The following NCKAP5 variants were observed in gnomAD, a reference collection of about 807,000 sequenced individuals.
NCKAP5 encodes NCK associated protein 5, also known as nck-associated protein 5.
Under a neutral mutation model 167.0 loss-of-function variants are expected in NCKAP5, and 92 were observed. The ratio of observed to expected loss-of-function variants is 0.55; its 90% CI spans 0.47 to 0.66. The LOEUF is 0.66. Ranked by LOEUF, NCKAP5 falls within the 30% of genes least tolerant of loss-of-function variation. The probability of loss-of-function intolerance (pLI) is 0.00; values close to 1 mark genes in which losing one functional copy is unlikely to be tolerated. For synonymous variants in NCKAP5, 891 were observed against 877.4 expected (o/e 1.02, Z -0.27); for missense variants, 2,378 against 2,315.0 (o/e 1.03, Z -0.56).
At chr2:133,433,789 T>C (rs1690306584) in intron 3 of NCKAP5, 1 of 152,192 alleles carries the variant, frequency 6.6e-6, no homozygotes. Flanking sequence ...GAATGGCAGA[T>C]TGAAGACAAT....
intron 11 of NCKAP5, among the ~76,000 whole-genome samples, chr2:132,852,930 A>G (rs1258339559): frequency 6.6e-6 from 1 of 152,130 alleles, no homozygotes; most frequent in Non-Finnish European, 1.5e-5. Context: ...TTAAATGATG[A>G]CCTTTTTAAG....
chr2:133,007,052 C>T (rs1454776879), intron 6 of NCKAP5, among the ~76,000 whole-genome samples: 1 of 152,128 alleles, frequency 6.6e-6, no homozygotes, highest in Non-Finnish European at 1.5e-5. Context: ...CCTCTTTCAG[C>T]CTCAACTCTT....
At chr2:132,985,542 A>G (rs2149281041) in intron 7 of NCKAP5, among the ~76,000 whole-genome samples, 1 of 152,318 alleles carries the variant, frequency 6.6e-6, no homozygotes, top group Admixed American at 6.5e-5. Context: ...CAAAGAGAAA[A>G]GGAAGATTCA....
At chr2:133,236,202 A>G (rs2087412716) in intron 4 of NCKAP5, among the ~76,000 whole-genome samples, 1 of 152,232 alleles carries the variant, frequency 6.6e-6, no homozygotes, top group South Asian at 2.1e-4. Flanking sequence ...TCAACAATAC[A>G]TATTAAAAAG....
rs1430172 is a variant in NCKAP5 at position 133,288,785 on chromosome 2, A to G, written c.143+14252T>C. Among the ~76,000 whole-genome samples, 1,125 of 152,310 alleles carry G rather than the reference A, an allele frequency of 7.4e-3. 15 individuals carry two copies. The highest frequency in any genetic ancestry group is 0.023 in the African/African-American group (959 of 41,562). ...AGTGCATAAAGAAAGCTAGGTTCAT[A>G]AAAGAATTAATATCTGCCTTCTTTC... On this transcript the variant is annotated intron_variant, in intron 4 of 19. Coordinates refer to ENST00000409261, the MANE Select transcript of NCKAP5 (RefSeq NM_207363.3).
At chr2:133,562,096 G>T (rs1339085705) in intron 1 of NCKAP5, among the ~76,000 whole-genome samples, 2 of 151,388 alleles carry the variant, frequency 1.3e-5, no homozygotes, top group Non-Finnish European at 2.9e-5. Context: ...GTAGTACTTT[G>T]ACATACACAC....
intron 2 of NCKAP5, among the ~76,000 whole-genome samples, chr2:133,520,731 T>G (rs1684405550): frequency 6.6e-6 from 1 of 152,210 alleles, no homozygotes; most frequent in Non-Finnish European, 1.5e-5. Context: ...AAAGCTGATT[T>G]AACAGCTTTC....
chr2:133,088,839 C>A (rs917096649), intron 6 of NCKAP5, among the ~76,000 whole-genome samples: 1 of 152,118 alleles, frequency 6.6e-6, no homozygotes, highest in Non-Finnish European at 1.5e-5. Context: ...TCGCACCTAC[C>A]TATAATGAAT....
At chr2:133,579,542 T>G in the NCKAP5 span, among the ~76,000 whole-genome samples, 35 of 152,268 alleles carry the variant, frequency 2.3e-4, no homozygotes, top group Non-Finnish European at 3.7e-4. Flanking sequence ...AGGAGGCCAG[T>G]TGAGGGTTGG....
chr2:133,622,994 C>T, the NCKAP5 span, among the ~76,000 whole-genome samples: 1 of 152,052 alleles, frequency 6.6e-6, no homozygotes, highest in African/African-American at 2.4e-5. Flanking sequence ...AGAAATAAAG[C>T]CAATTGCTTA....
Position 133,268,706 on chromosome 2 carries a change from G to T in NCKAP5, c.143+34331C>A, listed in dbSNP as rs185967971. On this transcript the variant is annotated intron_variant, in intron 4 of 19. Coordinates refer to ENST00000409261, the MANE Select transcript of NCKAP5 (RefSeq NM_207363.3). ...ACCGTGGTCTCGATCTCCTGACCTC[G>T]TGATCCGCCCGCCGCGGCCTCCAAA... 3.0e-3 allele frequency among the ~76,000 whole-genome samples: 452 copies of T among 152,160 alleles called. 2 individuals carry two copies. Among genetic ancestry groups the T allele is most frequent in the African/African-American group, 0.01 (428 of 41,534 alleles).
At chr2:133,359,776 C>A (rs909604370) in intron 3 of NCKAP5, among the ~76,000 whole-genome samples, 3 of 152,144 alleles carry the variant, frequency 2.0e-5, no homozygotes, top group African/African-American at 7.2e-5. Context: ...AATTCTGTCA[C>A]TAATACTATA....
chr2:133,560,799 T>C (rs187123268), intron 1 of NCKAP5, among the ~76,000 whole-genome samples: 2 of 152,270 alleles, frequency 1.3e-5, no homozygotes, highest in East Asian at 3.9e-4. Flanking sequence ...CTGCATAGAA[T>C]AGAAAACCCA....
chr2:133,033,028 G>A (rs558806758), intron 6 of NCKAP5, among the ~76,000 whole-genome samples: 1 of 152,260 alleles, frequency 6.6e-6, no homozygotes, highest in South Asian at 2.1e-4. Flanking sequence ...TGGCAATTAC[G>A]ATTAGATATG....
intron 3 of NCKAP5, among the ~76,000 whole-genome samples, chr2:133,373,347 C>T (rs1685928974): frequency 6.6e-6 from 1 of 152,150 alleles, no homozygotes; most frequent in African/African-American, 2.4e-5. Context: ...GAGTGAGCCA[C>T]CACGCCTGGC....
At chr2:133,186,469 A>G (rs2084951538) in intron 5 of NCKAP5, among the ~76,000 whole-genome samples, 1 of 152,082 alleles carries the variant, frequency 6.6e-6, no homozygotes, top group Non-Finnish European at 1.5e-5. Context: ...GCTGGCTTCG[A>G]AGAATGAGTT....
chr2:133,528,784 G>A (rs184765065), intron 2 of NCKAP5, among the ~76,000 whole-genome samples: 46 of 152,214 alleles, frequency 3.0e-4, no homozygotes, highest in African/African-American at 9.9e-4. Context: ...ATGCCTTCCC[G>A]GCCCCCTCTT....
chr2:133,637,933 G>T, the NCKAP5 span, among the ~76,000 whole-genome samples: 1 of 152,016 alleles, frequency 6.6e-6, no homozygotes, highest in East Asian at 1.9e-4. Context: ...CAACATTACA[G>T]GTCACCAAAG....
intron 6 of NCKAP5, among the ~76,000 whole-genome samples, chr2:132,997,416 C>T (rs2077636022): frequency 6.6e-6 from 1 of 152,172 alleles, no homozygotes; most frequent in South Asian, 2.1e-4. Context: ...TTTCACAAAT[C>T]TTATGTTATT....
Sources: allele counts gnomAD v4.1 joint callset (sites outside exome capture counted in the v4.1 genomes callset), GRCh38; gene constraint gnomAD v4.1.1; transcripts MANE v1.5; gene names NCBI Gene and HGNC (gene_info 2026-07-23, HGNC 2026-07-21).